The following SLC25A48 variants were observed in gnomAD, a reference collection of about 807,000 sequenced individuals.
SLC25A48 encodes solute carrier family 25 member 48, also known as CTC-321K16.1.
SLC25A48 carries 29 observed loss-of-function variants against 32.2 expected under a neutral mutation model. The ratio of observed to expected loss-of-function variants is 0.90; its 90% CI spans 0.67 to 1.23. The LOEUF is 1.23. Among genes scored for constraint, SLC25A48 ranks in the 50% most tolerant of loss-of-function variants. SLC25A48 has a pLI of 0.00. For missense variants in SLC25A48, 399 were observed against 422.7 expected (o/e 0.94, Z 0.49); for synonymous variants, 164 against 172.3 (o/e 0.95, Z 0.38).
intron 3 of SLC25A48, among the ~76,000 whole-genome samples, chr5:135,713,761 T>C (rs1201908697): frequency 6.6e-6 from 1 of 152,314 alleles, no homozygotes; most frequent in African/African-American, 2.4e-5. Context: ...TGAATTTGTG[T>C]GGAATGACAC....
chr5:135,879,884 C>T, intron 6 of SLC25A48, 84 bp from the exon 7 acceptor site: 1 of 1,498,316 alleles, frequency 6.7e-7, no homozygotes, highest in Admixed American at 2.0e-5. Flanking sequence ...GTAGGCAGCA[C>T]CACTAGCTAT....
intron 3 of SLC25A48, among the ~76,000 whole-genome samples, chr5:135,648,329 C>T (rs911142440): frequency 1.3e-5 from 2 of 152,204 alleles, no homozygotes; most frequent in Non-Finnish European, 2.9e-5. Context: ...TCCTATCAGG[C>T]AGCCAGCCTG....
At chr5:135,719,060 G>T (rs544871908) in intron 3 of SLC25A48, among the ~76,000 whole-genome samples, 15 of 152,344 alleles carry the variant, frequency 9.8e-5, no homozygotes, top group African/African-American at 3.6e-4. Flanking sequence ...TTTACAAGAT[G>T]TTATCACTGA....
chr5:135,849,114 T>A (rs1053467981), intron 2 of SLC25A48, among the ~76,000 whole-genome samples: 4 of 152,222 alleles, frequency 2.6e-5, no homozygotes, highest in African/African-American at 9.6e-5. Context: ...TACAGAAAAG[T>A]CCCATGCAGG....
chr5:135,873,966 G>T (rs1305664496), intron 5 of SLC25A48, 55 bp from the exon 6 acceptor site: 2 of 1,476,610 alleles, frequency 1.4e-6, no homozygotes, highest in Non-Finnish European at 1.8e-6. Flanking sequence ...AAGGAACCAG[G>T]CCCCTCCAGA....
At chr5:135,616,513 G>A (rs1752196071) in intron 1 of SLC25A48, among the ~76,000 whole-genome samples, 1 of 152,160 alleles carries the variant, frequency 6.6e-6, no homozygotes, top group Non-Finnish European at 1.5e-5. Flanking sequence ...TCAAACTGTA[G>A]CCCCTTTCTT....
intron 5 of SLC25A48, among the ~76,000 whole-genome samples, chr5:135,873,391 C>G (rs1169738831): frequency 6.6e-6 from 1 of 152,174 alleles, no homozygotes; most frequent in African/African-American, 2.4e-5. Flanking sequence ...ATGAGGATGA[C>G]CTAGTGGCAT....
intron 3 of SLC25A48, among the ~76,000 whole-genome samples, chr5:135,769,432 A>T (rs1430422593): frequency 2.6e-5 from 4 of 151,636 alleles, no homozygotes; most frequent in Non-Finnish European, 4.4e-5. Context: ...GGAGAGAATG[A>T]TATTACTCCC....
chr5:135,849,679 G>A (rs558228348), intron 2 of SLC25A48, among the ~76,000 whole-genome samples: 4 of 152,276 alleles, frequency 2.6e-5, no homozygotes, highest in South Asian at 4.1e-4. Context: ...GGGCCACTGC[G>A]ACATTTCGAC....
At chr5:135,695,957 C>T (rs1460947410) in intron 3 of SLC25A48, among the ~76,000 whole-genome samples, 1 of 152,196 alleles carries the variant, frequency 6.6e-6, no homozygotes, top group Non-Finnish European at 1.5e-5. Flanking sequence ...CATCCTAACC[C>T]AAGAGGACAC....
chr5:135,709,678 G>C (rs1754607903), intron 3 of SLC25A48, among the ~76,000 whole-genome samples: 1 of 152,176 alleles, frequency 6.6e-6, no homozygotes, highest in African/African-American at 2.4e-5. Context: ...ATCTTGGCTT[G>C]CTGACTATGT....
Position 135,886,634 on chromosome 5 carries a change from T to TATATATATAA in SLC25A48, c.*8-1395_*8-1394insTATATAAATA, listed in dbSNP as rs1554088453. ...ATATATATATATATATATATATATA[T>TATATATATAA]ATAAAATATATATATGTGTGTGTGT... On this transcript the variant is annotated intron_variant, in intron 7 of 7. Transcript: ENST00000681962. Among the ~76,000 whole-genome samples the TATATATATAA allele has an allele frequency of 3.0e-3, 88 of 29,112 alleles. 4 individuals carry two copies. The highest frequency in any genetic ancestry group is 0.013 in the Middle Eastern group (1 of 76). 19.1% of individuals were successfully genotyped at this position (29,112 alleles called of 152,430 possible). A position where few individuals can be genotyped will look rare whatever the true frequency, so the allele number is the denominator to read the frequency against.
chr5:135,642,904 G>C (rs1248060629), intron 3 of SLC25A48, among the ~76,000 whole-genome samples: 1 of 152,184 alleles, frequency 6.6e-6, no homozygotes, highest in Non-Finnish European at 1.5e-5. Flanking sequence ...GGTATCCACA[G>C]GACTAAGCAC....
intron 6 of SLC25A48, 110 bp from the exon 7 acceptor site, chr5:135,879,858 G>C (rs1762332841): frequency 7.0e-7 from 1 of 1,434,636 alleles, no homozygotes; most frequent in East Asian, 2.5e-5. Context: ...GGGCTCTGGT[G>C]GGGGACCGGG....
intron 3 of SLC25A48, chr5:135,650,480 G>A: frequency 4.4e-6 from 2 of 455,896 alleles, no homozygotes; most frequent in South Asian, 3.1e-5. Flanking sequence ...TTCATCAGGA[G>A]GGTGCTGCCT....
At chr5:135,760,005 T>C (rs10434746) in intron 3 of SLC25A48, among the ~76,000 whole-genome samples, 36,809 of 151,622 alleles carry the variant, frequency 0.24, 4,908 homozygotes, top group East Asian at 0.45. Flanking sequence ...AATTTTTGTA[T>C]TTTTTGTAGA....
intron 3 of SLC25A48, among the ~76,000 whole-genome samples, chr5:135,795,152 T>C (rs1261104184): frequency 6.6e-6 from 1 of 151,634 alleles, no homozygotes; most frequent in Admixed American, 6.6e-5. Flanking sequence ...GGAGAGGATG[T>C]TATTACTCCC....
chr5:135,830,505 C>T (rs1457326996), upstream of SLC25A48, among the ~76,000 whole-genome samples: 1 of 152,248 alleles, frequency 6.6e-6, no homozygotes, highest in Non-Finnish European at 1.5e-5. Flanking sequence ...CCTCACTTCA[C>T]AGCCACTTAC....
In SLC25A48 at chr5:135,838,451, A is replaced by G. The variant is rs541486389; in HGVS notation, c.46+3558A>G. The stretch of plus-strand genomic sequence containing the variant: ...ATTCAAGCCTGCTGCAGAAATTTGC[A>G]TAAGTAACAAGGAGATAAATGTTTA... On this transcript the variant is annotated intron_variant, in intron 1 of 7. Transcript: ENST00000681962. Among the ~76,000 whole-genome samples, 12 of 152,394 alleles carry G rather than the reference A, an allele frequency of 7.9e-5. No individual in the cohort carries two copies. In the South Asian group the frequency reaches 1.2e-3, roughly 16 times the overall value.
Sources: allele counts gnomAD v4.1 joint callset (sites outside exome capture counted in the v4.1 genomes callset), GRCh38; gene constraint gnomAD v4.1.1; transcripts MANE v1.5; gene names NCBI Gene and HGNC (gene_info 2026-07-23, HGNC 2026-07-21).